The following PIKFYVE variants were observed in gnomAD, a reference collection of about 807,000 sequenced individuals.
PIKFYVE encodes the protein phosphoinositide kinase, FYVE-type zinc finger containing.
PIKFYVE carries 122 observed loss-of-function variants against 257.9 expected under a neutral mutation model. The observed-to-expected ratio is 0.47, with a 90% confidence interval of 0.41 to 0.55. The LOEUF (loss-of-function observed/expected upper bound fraction) is 0.55. Among genes scored for constraint, PIKFYVE ranks in the 20% least tolerant of loss-of-function variants. The probability of loss-of-function intolerance (pLI) is 0.00; values close to 1 mark genes in which losing one functional copy is unlikely to be tolerated. For missense variants in PIKFYVE, 2,160 were observed against 2,536.6 expected (o/e 0.85, Z 3.19); for synonymous variants, 892 against 868.9 (o/e 1.03, Z -0.47).
chr2:208,275,411 G>A (rs926807876), intron 3 of PIKFYVE, among the ~76,000 whole-genome samples: 22 of 152,146 alleles, frequency 1.4e-4, no homozygotes, highest in Admixed American at 4.6e-4. Flanking sequence ...CCTGCTGCAC[G>A]GAAGCACAGC....
intron 2 of PIKFYVE, among the ~76,000 whole-genome samples, chr2:208,272,625 ATTAC>A (rs979461711): frequency 2.6e-5 from 4 of 152,172 alleles, no homozygotes; most frequent in Non-Finnish European, 5.9e-5. Flanking sequence ...GTTTGTCTGT[ATTAC>A]TTGAAGTATG....
chr2:208,305,245 T>C, intron 12 of PIKFYVE: 7 of 1,399,574 alleles, frequency 5.0e-6, no homozygotes, highest in Non-Finnish European at 6.5e-6. Context: ...GTGTAAAGCT[T>C]GTAGTCTTTA....
intron 3 of PIKFYVE, among the ~76,000 whole-genome samples, chr2:208,274,253 C>T (rs1282293905): frequency 6.6e-6 from 1 of 152,204 alleles, no homozygotes; most frequent in Non-Finnish European, 1.5e-5. Context: ...GTTTTCCATT[C>T]TGGTCTACTA....
intron 5 of PIKFYVE, among the ~76,000 whole-genome samples, chr2:208,279,917 A>G (rs997576899): frequency 5.9e-5 from 9 of 152,220 alleles, no homozygotes; most frequent in African/African-American, 1.9e-4. Context: ...AAGCAAAAAG[A>G]ACAAGGCAGG....
In PIKFYVE at chr2:208,355,663, A is replaced by G. The variant is rs1337715661; in HGVS notation, c.*358A>G. The G allele has an allele frequency of 5.3e-6, 1 of 189,422 alleles. No individual in the cohort carries two copies. Among genetic ancestry groups the G allele is most frequent in the Non-Finnish European group, 1.1e-5 (1 of 90,624 alleles). 11.7% of individuals were successfully genotyped at this position (189,422 alleles called of 1,614,324 possible). A position where few individuals can be genotyped will look rare whatever the true frequency, so the allele number is the denominator to read the frequency against. ...GAAAACAGTGTCTCATAAATTGACT[A>G]TCCTGGCATCACATTTAACATGTTA... is the stretch of plus-strand genomic sequence containing the variant. On this transcript the variant is annotated 3_prime_UTR_variant, in exon 42 of 42. Transcript: ENST00000264380.
chr2:208,331,093 A>G (rs1003999586), intron 23 of PIKFYVE, among the ~76,000 whole-genome samples: 2 of 152,172 alleles, frequency 1.3e-5, no homozygotes, highest in Non-Finnish European at 2.9e-5. Context: ...TTGTAAAGCA[A>G]TAACTGCAGT....
Position 208,340,045 on chromosome 2 carries a change from C to G in PIKFYVE, c.4845C>G (p.Asp1615Glu), listed in dbSNP as rs371531193. The G allele has an allele frequency of 6.2e-7, 1 of 1,613,892 alleles. No individual in the cohort carries two copies. The highest frequency in any genetic ancestry group is 8.5e-7 in the Non-Finnish European group (1 of 1,179,788). Residue 1615 changes from aspartate (D) to glutamate (E), a missense_variant, in exon 31 of 42, where the codon GAC (aspartate) becomes GAG (glutamate). Transcript: ENST00000264380. ...ATGGGCATTTGCTGGGATCCACAGA[C>G]AGCCAAGTGAAGGAAAAGTCAACCA... ...VFDGHLLGST[D>E]SQVKEKSTMK... is the part of the protein sequence containing the mutation.
At chr2:208,335,240 A>G in intron 24 of PIKFYVE, 66 bp from the exon 25 acceptor site, 1 of 1,060,026 alleles carries the variant, frequency 9.4e-7, no homozygotes, top group Non-Finnish European at 1.5e-6. Context: ...GAACATCATG[A>G]TACAGCTCTA....
At chr2:208,277,774 G>A in intron 5 of PIKFYVE, 66 bp downstream of exon 5, 3 of 1,552,908 alleles carry the variant, frequency 1.9e-6, no homozygotes, top group Non-Finnish European at 2.7e-6. Flanking sequence ...TTATAATACA[G>A]GATAGTGTTA....
intron 5 of PIKFYVE, among the ~76,000 whole-genome samples, chr2:208,283,267 T>C (rs2125117009): frequency 6.6e-6 from 1 of 152,356 alleles, no homozygotes; most frequent in East Asian, 1.9e-4. Context: ...TATCTGCATC[T>C]GTCATGCAGC....
chr2:208,326,188 A>G lies in PIKFYVE; in HGVS notation c.3377A>G (p.Gln1126Arg), dbSNP rs1052098511. Residue 1126 changes from glutamine (Q) to arginine (R), a missense_variant, in exon 20 of 42, where the codon CAA becomes CGA. Gln to Arg is a conservative substitution (Grantham distance 43, BLOSUM62 1). Around this residue, in one of 12 missense-constraint regions of PIKFYVE, gnomAD observed 522 missense variants for 514.6 expected, o/e 1.01. Coordinates refer to ENST00000264380, the MANE Select transcript of PIKFYVE (RefSeq NM_015040.4). ...GGAAGTATTCAGGCCAAGTCTATTCAAGTCTTACCCTCACATGAGCTAGTG... is the reference window on the plus strand; with the variant it reads ...GGAAGTATTCAGGCCAAGTCTATTCGAGTCTTACCCTCACATGAGCTAGTG... ...MNGSIQAKSIQVLPSHELVST... is the reference protein window; with the variant it reads ...MNGSIQAKSIRVLPSHELVST... 4 of 1,610,144 alleles carry G rather than the reference A, an allele frequency of 2.5e-6. No individual in the cohort carries two copies. The highest frequency in any genetic ancestry group is 2.5e-6 in the Non-Finnish European group (3 of 1,178,062).
intron 3 of PIKFYVE, among the ~76,000 whole-genome samples, chr2:208,276,306 T>C (rs1440646759): frequency 6.6e-6 from 1 of 152,216 alleles, no homozygotes; most frequent in African/African-American, 2.4e-5. Flanking sequence ...CCTGTTTGAC[T>C]TTAGAGACCA....
chr2:208,286,047 C>A (rs1363872767), intron 6 of PIKFYVE, 114 bp downstream of exon 6: 2 of 1,065,830 alleles, frequency 1.9e-6, no homozygotes, highest in Admixed American at 4.3e-5. Context: ...TGTCAGTTCA[C>A]TGTGTTCTCC....
chr2:208,317,531 C>T (rs1695682834), intron 15 of PIKFYVE, among the ~76,000 whole-genome samples: 1 of 151,936 alleles, frequency 6.6e-6, no homozygotes, highest in African/African-American at 2.4e-5. Context: ...GATTGGACAC[C>T]CCTGATTTAG....
At chr2:208,323,954 GTTGT>G (rs201183537) in intron 17 of PIKFYVE, among the ~76,000 whole-genome samples, 184 bp from the exon 18 acceptor site, 118,243 of 151,330 alleles carry the variant, frequency 0.78, 47,145 homozygotes, top group East Asian at 0.93. Context: ...TTTTGATGGG[GTTGT>G]TTGTTTTTTT....
At chr2:208,349,789 C>T (rs1231419832) in intron 35 of PIKFYVE, among the ~76,000 whole-genome samples, 1 of 151,928 alleles carries the variant, frequency 6.6e-6, no homozygotes, top group African/African-American at 2.4e-5. Flanking sequence ...AGTATTCAAC[C>T]TAAATTCTCT....
intron 5 of PIKFYVE, among the ~76,000 whole-genome samples, chr2:208,283,661 G>C (rs1446415926): frequency 1.3e-5 from 2 of 151,952 alleles, no homozygotes; most frequent in Non-Finnish European, 2.9e-5. Context: ...GCTCACTGCA[G>C]CCTCAGCTTC....
Position 208,328,235 on chromosome 2 carries a change from C to G in PIKFYVE, c.3674C>G (p.Ser1225Cys). The G allele has an allele frequency of 6.2e-7, 1 of 1,613,926 alleles. No individual in the cohort carries two copies. The highest frequency in any genetic ancestry group is 8.5e-7 in the Non-Finnish European group (1 of 1,179,858). ...AGACTTTGTGTGCTCTTCAGCAGCT[C>G]TTCTGCCCAGTCCAGCAATGCTCCT... ...HQRLCVLFSS[S>C]SAQSSNAPSA... Residue 1225 changes from serine to cysteine, a missense_variant, in exon 21 of 42, where the codon TCT becomes TGT. This residue lies in a region of PIKFYVE where 522 missense variants were observed against 514.6 expected (regional missense o/e 1.01). Transcript: ENST00000264380.
At chr2:208,309,189 A>G (rs1314154881) in intron 12 of PIKFYVE, among the ~76,000 whole-genome samples, 1 of 152,148 alleles carries the variant, frequency 6.6e-6, no homozygotes, top group Non-Finnish European at 1.5e-5. Context: ...TAGGTCCACA[A>G]ATAATTAAAA....
Sources: gnomAD v4.1 joint callset for allele counts (sites outside exome capture counted in the v4.1 genomes callset) on GRCh38, gnomAD v4.1.1 for gene constraint, gnomAD v4.1.1 regional missense constraint, MANE v1.5 for transcripts, NCBI Gene and HGNC (gene_info 2026-07-23, HGNC 2026-07-21) for gene names.